WNT4: variants seen among roughly 807,000 people sequenced by gnomAD.
WNT4 encodes the protein protein Wnt-4.
A neutral mutation model predicts 34.5 loss-of-function variants in WNT4; 16 were observed. That is an observed-to-expected ratio of 0.46 (90% confidence interval 0.31 to 0.70). The LOEUF (loss-of-function observed/expected upper bound fraction) is 0.70, where lower values mean the gene tolerates loss of function less well. Among genes scored for constraint, WNT4 ranks in the 30% least tolerant of loss-of-function variants. WNT4 has a pLI of 0.04. For missense variants in WNT4, 379 were observed against 495.9 expected, an observed-to-expected ratio of 0.76 and a Z score of 2.24; for synonymous variants, 200 against 211.9, an observed-to-expected ratio of 0.94 and a Z score of 0.49.
At chr1:22,126,048 C>G (rs1278503347) in intron 2 of WNT4, among the ~76,000 whole-genome samples, 7 of 152,172 alleles carry the variant, frequency 4.6e-5, no homozygotes, top group Non-Finnish European at 7.3e-5. Flanking sequence ...AGAGGCCATC[C>G]CTCATCTAGC....
chr1:22,128,561 C>T (rs1344178187), intron 2 of WNT4, among the ~76,000 whole-genome samples: 1 of 152,108 alleles, frequency 6.6e-6, no homozygotes, highest in African/African-American at 2.4e-5. Context: ...AAAAGCCTTC[C>T]CTGAGCATCC....
chr1:22,121,646 G>C, intron 2 of WNT4, 70 bp from the exon 3 acceptor site: 1 of 1,579,806 alleles, frequency 6.3e-7, no homozygotes, highest in Non-Finnish European at 8.6e-7. Context: ...TGTAGAGGGG[G>C]AGGGGCATAT....
Position 22,140,123 on chromosome 1 carries a change from C to T in WNT4, c.77+2723G>A, listed in dbSNP as rs562367828. Reference sequence around the variant, plus strand: ...CCCTGGACTCCAGGGTATTGGGAGGCGAGCGGAACCTAGACCTTGCTCCTT... The same window carrying T: ...CCCTGGACTCCAGGGTATTGGGAGGTGAGCGGAACCTAGACCTTGCTCCTT... On this transcript the variant is annotated intron_variant, in intron 1 of 4. Transcript: ENST00000290167. This position sits in a 1 kb window ranked among gnomAD's most constrained non-coding sequence, Gnocchi z 5.9. The T allele has an allele frequency of 2.6e-4, 246 of 954,004 alleles. No individual in the cohort carries two copies. In the South Asian group the frequency reaches 3.6e-3, roughly 14 times the overall value. 59.1% of individuals were successfully genotyped at this position (954,004 alleles called of 1,614,324 possible). A position where few individuals can be genotyped will look rare whatever the true frequency, so the allele number is the denominator to read the frequency against.
chr1:22,128,679 C>T (rs556828142), intron 2 of WNT4, among the ~76,000 whole-genome samples: 208 of 152,070 alleles, frequency 1.4e-3, no homozygotes, highest in African/African-American at 4.8e-3. Context: ...GGGAGCGGGA[C>T]GGCCTGGGGT....
At position 22,134,021 on chromosome 1, in the gene WNT4, C is replaced by T. The variant is rs906026736; in HGVS notation, c.78-4170G>A. Among the ~76,000 whole-genome samples, 3 of 152,196 alleles carry T rather than the reference C, an allele frequency of 2.0e-5. No homozygotes were observed. The highest frequency in any genetic ancestry group is 4.8e-5 in the African/African-American group (2 of 41,404). Reference sequence around the variant, plus strand: ...AAATCTGCACCTCTGCGACTCCTCCCAGCTCTTACGCTGTGAGTCAAGAGG... The same window carrying T: ...AAATCTGCACCTCTGCGACTCCTCCTAGCTCTTACGCTGTGAGTCAAGAGG... On this transcript the variant is annotated intron_variant, in intron 1 of 4. Transcript: ENST00000290167. This position sits in a 1 kb window ranked among gnomAD's most constrained non-coding sequence, Gnocchi z 4.1.
In WNT4 at chr1:22,120,511, G is replaced by T; in HGVS notation, c.595C>A (p.Leu199Met). Reference sequence around the variant, plus strand: ...TTGCATTCCACCCGCATGTGTGTCAGGATGGCCTGTGGGAGAGGGTGGGGG... The same window carrying T: ...TTGCATTCCACCCGCATGTGTGTCATGATGGCCTGTGGGAGAGGGTGGGGG... ...HNNEAGRKAI[L>M]THMRVECKCH... is the part of the protein sequence containing the mutation. The change falls in exon 5 of 5, where the codon CTG becomes ATG. Residue 199 changes from leucine (L) to methionine (M), a missense_variant. By Grantham distance (15) the Leu-to-Met change is conservative (BLOSUM62 2). This residue lies in a region of WNT4 where 313 missense variants were observed against 445.8 expected (regional missense o/e 0.70). Transcript: ENST00000290167. 6.2e-7 allele frequency: 1 copy of T among 1,611,216 alleles called. No individual in the cohort carries two copies. The highest frequency in any genetic ancestry group is 1.1e-5 in the South Asian group (1 of 90,788).
rs557427439 is a variant in WNT4, at chr1:22,129,726, C to T, written c.203G>A (p.Arg68His). The T allele has an allele frequency of 9.3e-6, 15 of 1,613,996 alleles. No homozygotes were observed. Among genetic ancestry groups the T allele is most frequent in the Middle Eastern group, 1.6e-4 (1 of 6,062 alleles). Residue 68 changes from arginine to histidine, a missense_variant, in exon 2 of 5, where the codon CGC becomes CAC. Around this residue, in one of 2 missense-constraint regions of WNT4, gnomAD observed 313 missense variants for 445.8 expected, o/e 0.70. Transcript: ENST00000290167. The part of the protein sequence containing the change: ...KRNLEVMDSV[R>H]RGAQLAIEEC... Reference sequence around the variant, plus strand: ...CTCAATGGCCAGCTGGGCACCGCGGCGCACCGAGTCCATGACTTCCAGGTT... The same window carrying T: ...CTCAATGGCCAGCTGGGCACCGCGGTGCACCGAGTCCATGACTTCCAGGTT...
chr1:22,135,399 G>T (rs1236661943), intron 1 of WNT4, among the ~76,000 whole-genome samples: 1 of 152,216 alleles, frequency 6.6e-6, no homozygotes, highest in African/African-American at 2.4e-5. Flanking sequence ...TTTGAAAACG[G>T]GTCACTCTGG....
At position 22,119,221 on chromosome 1, in the gene WNT4, TG is replaced by T. The variant is rs1414168858; in HGVS notation, c.*828del. Reference sequence around the variant, plus strand: ...GTGTGTGTGTGTGTGTGTGTGTGTGTGTGTGTGTTTCAGTTTCATGGAGGAA... The same window carrying T: ...GTGTGTGTGTGTGTGTGTGTGTGTGTTGTGTGTTTCAGTTTCATGGAGGAA... On this transcript the variant is annotated 3_prime_UTR_variant, in exon 5 of 5. Coordinates refer to ENST00000290167, the MANE Select transcript of WNT4 (RefSeq NM_030761.5). The T allele has an allele frequency of 0.012, 1,680 of 139,520 alleles. 26 individuals are homozygous for T. The highest frequency in any genetic ancestry group is 0.015 in the African/African-American group (501 of 33,072). The allele number at this position is 139,520 out of a possible 1,614,324, so 8.6% of individuals were successfully genotyped here.
rs139535865 is a variant in WNT4, at chr1:22,140,629, C to T, written c.77+2217G>A. On this transcript the variant is annotated intron_variant, in intron 1 of 4. Transcript: ENST00000290167. This position sits in a 1 kb window ranked among gnomAD's most constrained non-coding sequence, Gnocchi z 5.9. ...TGCCATTCCTGGCCAGCTGATTGTTCGACAGAGGTTGATAAATATTGGACC... is the reference window on the plus strand; with the variant it reads ...TGCCATTCCTGGCCAGCTGATTGTTTGACAGAGGTTGATAAATATTGGACC... Among the ~76,000 whole-genome samples the T allele has an allele frequency of 1.5e-3, 230 of 152,288 alleles. No individual in the cohort carries two copies. The highest frequency in any genetic ancestry group is 5.1e-3 in the African/African-American group (211 of 41,554).
At chr1:22,132,744 GC>G (rs1645993829) in intron 1 of WNT4, among the ~76,000 whole-genome samples, 1 of 152,200 alleles carries the variant, frequency 6.6e-6, no homozygotes, top group Non-Finnish European at 1.5e-5. Context: ...CCAGGAAGGA[GC>G]TGAGCAACCT....
chr1:22,142,763 T>A lies in WNT4; in HGVS notation c.77+83A>T. On this transcript the variant is annotated intron_variant, in intron 1 of 4. Transcript: ENST00000290167. The surrounding 1 kb of genome is among the most constrained non-coding windows in gnomAD (Gnocchi z 6.0). ...ACCTGCCGGGCTGCCCCGCGCCCGCTGCCCCGCGCCGCCTGGCACCGGCCG... is the reference window on the plus strand; with the variant it reads ...ACCTGCCGGGCTGCCCCGCGCCCGCAGCCCCGCGCCGCCTGGCACCGGCCG... The A allele has an allele frequency of 2.2e-6, 2 of 919,724 alleles. No homozygotes were observed. Among genetic ancestry groups the A allele is most frequent in the Non-Finnish European group, 2.6e-6 (2 of 772,220 alleles). 57.0% of individuals were successfully genotyped at this position (919,724 alleles called of 1,614,324 possible). A position where few individuals can be genotyped will look rare whatever the true frequency, so the allele number is the denominator to read the frequency against.
chr1:22,142,814 G>T lies in WNT4; in HGVS notation c.77+32C>A, dbSNP rs1292609121. 2 of 1,071,920 alleles carry T rather than the reference G, an allele frequency of 1.9e-6. No homozygotes were observed. The highest frequency in any genetic ancestry group is 3.0e-5 in the Admixed American group (1 of 33,764). The allele number at this position is 1,071,920 out of a possible 1,614,324, so 66.4% of individuals were successfully genotyped here. On this transcript the variant is annotated intron_variant, in intron 1 of 4. Coordinates refer to ENST00000290167, the MANE Select transcript of WNT4 (RefSeq NM_030761.5). This position sits in a 1 kb window ranked among gnomAD's most constrained non-coding sequence, Gnocchi z 6.0. ...CTGCCCCCGGGGCCTGCCCCGCCCC[G>T]CCCCGCCCCGCTCGGCCCCGGCCAG...
At position 22,137,176 on chromosome 1, in the gene WNT4, C is replaced by T. The variant is rs776583969; in HGVS notation, c.77+5670G>A. 4.6e-5 allele frequency among the ~76,000 whole-genome samples: 7 copies of T among 152,188 alleles called. No homozygotes were observed. Among genetic ancestry groups the T allele is most frequent in the East Asian group, 3.9e-4 (2 of 5,188 alleles). ...TCCTCAGACCAGGTCCCCTCCTCTG[C>T]GGGGTCTGACTTGGCAGGGAACTTT... On this transcript the variant is annotated intron_variant, in intron 1 of 4. Transcript: ENST00000290167. This position sits in a 1 kb window ranked among gnomAD's most constrained non-coding sequence, Gnocchi z 5.3.
At chr1:22,122,779 T>C (rs1389541436) in intron 2 of WNT4, among the ~76,000 whole-genome samples, 1 of 152,164 alleles carries the variant, frequency 6.6e-6, no homozygotes, top group Non-Finnish European at 1.5e-5. Context: ...ATGGAAACAA[T>C]CACCTTCTCT....
intron 1 of WNT4, among the ~76,000 whole-genome samples, chr1:22,133,875 A>G (rs1646002107): frequency 6.6e-6 from 1 of 152,244 alleles, no homozygotes; most frequent in Non-Finnish European, 1.5e-5. Flanking sequence ...TTGCCCTGCC[A>G]GGGAGATCAG....
chr1:22,135,350 T>A (rs1400078519), intron 1 of WNT4, among the ~76,000 whole-genome samples: 1 of 152,170 alleles, frequency 6.6e-6, no homozygotes, highest in Non-Finnish European at 1.5e-5. Context: ...CAGAGAAGCA[T>A]GTGTTTGAGC....
Position 22,121,266 on chromosome 1 carries a change from C to A in WNT4, c.533G>T (p.Gly178Val), listed in dbSNP as rs759101656. 1.2e-6 allele frequency: 2 copies of A among 1,614,156 alleles called. No homozygotes were observed. Among genetic ancestry groups the A allele is most frequent in the South Asian group, 1.1e-5 (1 of 91,084 alleles). Residue 178 changes from glycine to valine, a missense_variant, in exon 4 of 5, where the codon GGG (glycine) becomes GTG (valine). Physicochemically the swap from Gly to Val is moderately radical, Grantham distance 109. Coordinates refer to ENST00000290167, the MANE Select transcript of WNT4 (RefSeq NM_030761.5). ...CATGAGGGCTCTGCTGGACGAGGCC[C>A]CCTTGCTTCTCTCCCGCACATCCAC... ...SFVDVRERSK[G>V]ASSSRALMNL...
At chr1:22,138,408 C>G (rs1015510735) in intron 1 of WNT4, among the ~76,000 whole-genome samples, 6 of 152,086 alleles carry the variant, frequency 3.9e-5, no homozygotes, top group African/African-American at 1.2e-4. Flanking sequence ...TTTTGCCCGC[C>G]CCCCAGGGGA....
Sources: allele counts gnomAD v4.1 joint callset (sites outside exome capture counted in the v4.1 genomes callset), GRCh38; gene constraint gnomAD v4.1.1; regional missense constraint gnomAD v4.1.1; non-coding constraint Gnocchi (gnomAD v3.1); transcripts MANE v1.5; gene names NCBI Gene and HGNC (gene_info 2026-07-23, HGNC 2026-07-21).